Variants in PCDH15 observed in about 807,000 individuals in gnomAD.
PCDH15 encodes the protein protocadherin related 15.
PCDH15 carries 129 observed loss-of-function variants against 178.5 expected under a neutral mutation model. That is an observed-to-expected ratio of 0.72 (90% CI 0.63 to 0.84). The LOEUF (loss-of-function observed/expected upper bound fraction) is 0.84, where lower values mean the gene tolerates loss of function less well. Ranked by LOEUF, PCDH15 falls within the 40% of genes least tolerant of loss-of-function variation. The probability of loss-of-function intolerance (pLI) is 0.00; values close to 1 mark genes in which losing one functional copy is unlikely to be tolerated. For synonymous variants in PCDH15, 800 were observed against 732.0 expected (o/e 1.09, Z -1.50); for missense variants, 2,230 against 2,099.9 (o/e 1.06, Z -1.21).
At chr10:54,598,128 C>T (rs1450358696) in intron 2 of PCDH15, among the ~76,000 whole-genome samples, 1 of 152,022 alleles carries the variant, frequency 6.6e-6, no homozygotes, top group Non-Finnish European at 1.5e-5. Flanking sequence ...TCAACTCATT[C>T]TATGAGGCCA....
Position 53,857,206 on chromosome 10 carries a change from G to T in PCDH15, c.3775C>A (p.Leu1259Ile). ...QVIVSNVPPT[L>I]VEKKIEDLTE... ...AGATCTTCTATCTTTTTTTCCACTA[G>T]AGTAGGAGGCACATTGGAAACAATG... The change falls in exon 28 of 38, where the codon CTA becomes ATA. Residue 1259 changes from leucine (L) to isoleucine (I), a missense_variant. Coordinates refer to ENST00000644397, the MANE Select transcript of PCDH15 (RefSeq NM_001384140.1). The T allele has an allele frequency of 6.2e-7, 1 of 1,610,098 alleles. No individual in the cohort carries two copies. The highest frequency in any genetic ancestry group is 8.5e-7 in the Non-Finnish European group (1 of 1,177,010).
At chr10:54,394,113 A>G (rs917787589) in intron 3 of PCDH15, among the ~76,000 whole-genome samples, 15 of 152,200 alleles carry the variant, frequency 9.9e-5, no homozygotes, top group African/African-American at 3.1e-4. Flanking sequence ...TTGAAAACAT[A>G]TAATTATTTT....
At chr10:54,806,093 C>T (rs1952773486), upstream of PCDH15, among the ~76,000 whole-genome samples, 1 of 151,992 alleles carries the variant, frequency 6.6e-6, no homozygotes, top group African/African-American at 2.4e-5. Context: ...TTTAATTTAA[C>T]AGATTTATTA....
At chr10:54,961,332 T>A (rs748219430) in intron 2 of PCDH15, among the ~76,000 whole-genome samples, 4 of 152,082 alleles carry the variant, frequency 2.6e-5, no homozygotes, top group Non-Finnish European at 5.9e-5. Flanking sequence ...GGACTGAGGG[T>A]GACTCAGTAC....
At chr10:54,154,786 G>A (rs1013981123) in intron 13 of PCDH15, among the ~76,000 whole-genome samples, 3 of 152,162 alleles carry the variant, frequency 2.0e-5, no homozygotes, top group African/African-American at 4.8e-5. Context: ...CTGGCTATTT[G>A]GGGGTGGACA....
intron 3 of PCDH15, among the ~76,000 whole-genome samples, chr10:54,409,701 T>C (rs1156470791): frequency 2.0e-5 from 3 of 152,146 alleles, no homozygotes; most frequent in Non-Finnish European, 4.4e-5. Context: ...TATTGGAAAC[T>C]AAATGCCCAA....
intron 10 of PCDH15, among the ~76,000 whole-genome samples, chr10:54,205,049 T>C (rs2050649628): frequency 6.6e-6 from 1 of 152,202 alleles, no homozygotes. Flanking sequence ...AATTTTAATA[T>C]ATGACTTGCT....
At chr10:55,474,304 A>G (rs1036694653) in intron 2 of PCDH15, among the ~76,000 whole-genome samples, 2 of 152,254 alleles carry the variant, frequency 1.3e-5, no homozygotes, top group African/African-American at 4.8e-5. Context: ...GAGTACTGAC[A>G]CACTGAGCAG....
chr10:55,601,709 A>G (rs2132145373), intron 2 of PCDH15, among the ~76,000 whole-genome samples: 1 of 152,334 alleles, frequency 6.6e-6, no homozygotes, highest in African/African-American at 2.4e-5. Context: ...TTAAGGTAGC[A>G]GGAACAAAAA....
intron 2 of PCDH15, among the ~76,000 whole-genome samples, chr10:55,380,305 A>G (rs994571999): frequency 1.3e-4 from 20 of 152,184 alleles, no homozygotes; most frequent in African/African-American, 4.8e-4. Context: ...TTTTTAAGTC[A>G]TAGTTTGAAG....
chr10:54,955,146 G>A (rs532586033), intron 2 of PCDH15, among the ~76,000 whole-genome samples: 2 of 151,138 alleles, frequency 1.3e-5, no homozygotes, highest in Non-Finnish European at 3.0e-5. Context: ...AATCAAGCTG[G>A]CACTATAGCT....
intron 3 of PCDH15, among the ~76,000 whole-genome samples, chr10:54,527,471 T>G (rs899808053): frequency 3.3e-5 from 5 of 152,124 alleles, no homozygotes; most frequent in African/African-American, 1.2e-4. Flanking sequence ...GTGGACCACT[T>G]CTTTGGAGGA....
At chr10:54,971,775 A>C (rs1163375126) in intron 2 of PCDH15, among the ~76,000 whole-genome samples, 1 of 152,206 alleles carries the variant, frequency 6.6e-6, no homozygotes, top group Non-Finnish European at 1.5e-5. Context: ...TATAATGTAA[A>C]GGCAGCCATG....
chr10:54,736,396 C>G (rs1329729641), intron 1 of PCDH15, among the ~76,000 whole-genome samples: 1 of 151,884 alleles, frequency 6.6e-6, no homozygotes, highest in Non-Finnish European at 1.5e-5. Context: ...TCTCTCTCAC[C>G]CACCCCATCC....
intron 3 of PCDH15, among the ~76,000 whole-genome samples, chr10:54,420,468 G>T (rs1244379336): frequency 5.3e-5 from 8 of 152,070 alleles, no homozygotes; most frequent in Admixed American, 2.6e-4. Context: ...TTTCACCCAA[G>T]AAAAGTGAAT....
intron 3 of PCDH15, among the ~76,000 whole-genome samples, chr10:54,487,715 C>A (rs1046608192): frequency 8.6e-5 from 13 of 151,870 alleles, no homozygotes; most frequent in African/African-American, 2.2e-4. Context: ...CTAAAAGGAT[C>A]CACACATTAA....
intron 23 of PCDH15, among the ~76,000 whole-genome samples, chr10:53,943,095 T>C (rs1231230212): frequency 6.6e-6 from 1 of 152,170 alleles, no homozygotes; most frequent in Non-Finnish European, 1.5e-5. Flanking sequence ...AGATAGAAGC[T>C]AAATTTTATA....
At chr10:54,862,755 G>A (rs757580342) in intron 3 of PCDH15, among the ~76,000 whole-genome samples, 52 of 152,158 alleles carry the variant, frequency 3.4e-4, no homozygotes, top group Non-Finnish European at 5.4e-4. Context: ...GTGCCAGTGG[G>A]ACATGCTCAC....
In PCDH15 at chr10:55,435,264, C is replaced by A. The variant is rs186765911; in HGVS notation, c.-156+192361G>T. Among the ~76,000 whole-genome samples, 23 of 152,196 alleles carry A rather than the reference C, an allele frequency of 1.5e-4. No individual in the cohort carries two copies. In the East Asian group the frequency reaches 4.4e-3, roughly 29 times the overall value. On this transcript the variant is annotated intron_variant, in intron 2 of 5. Transcript: ENST00000613346. Reference sequence around the variant, plus strand: ...AAAGGTACGAAGGTATTGATACAAACAACCCACACTGGTTACCTGGAGGGT... The same window carrying A: ...AAAGGTACGAAGGTATTGATACAAAAAACCCACACTGGTTACCTGGAGGGT...
Sources: allele counts gnomAD v4.1 joint callset (sites outside exome capture counted in the v4.1 genomes callset), GRCh38; gene constraint gnomAD v4.1.1; transcripts MANE v1.5; gene names NCBI Gene and HGNC (gene_info 2026-07-23, HGNC 2026-07-21).